DTNA: variants seen among roughly 807,000 people sequenced by gnomAD.
DTNA encodes dystrophin-related protein 3.
Under a neutral mutation model 100.7 loss-of-function variants are expected in DTNA, and 43 were observed. The observed-to-expected ratio is 0.43, with a 90% confidence interval of 0.33 to 0.55. The LOEUF is 0.55. Ranked by LOEUF, DTNA falls within the 20% of genes least tolerant of loss-of-function variation. DTNA has a pLI of 0.04. For synonymous variants in DTNA, 349 were observed against 347.9 expected (o/e 1.00, Z -0.04); for missense variants, 798 against 953.9 (o/e 0.84, Z 2.15).
At chr18:34,831,732 C>G (rs769886357) in intron 11 of DTNA, among the ~76,000 whole-genome samples, 7 of 152,150 alleles carry the variant, frequency 4.6e-5, no homozygotes, top group Non-Finnish European at 1.0e-4. Context: ...CGTGCCATTG[C>G]ACTCCAGCCG....
intron 1 of DTNA, among the ~76,000 whole-genome samples, chr18:34,722,498 A>G (rs990432990): frequency 6.6e-6 from 1 of 152,180 alleles, no homozygotes; most frequent in African/African-American, 2.4e-5. Flanking sequence ...TATAAGGATT[A>G]ATAGAAAATA....
chr18:34,526,454 A>G (rs1962503), intron 1 of DTNA, among the ~76,000 whole-genome samples: 11,913 of 152,132 alleles, frequency 0.078, 655 homozygotes, highest in Non-Finnish European at 0.12. Context: ...AGGGATAATG[A>G]TGGTACCTCT....
At chr18:34,504,943 C>T (rs1343751741) in intron 1 of DTNA, among the ~76,000 whole-genome samples, 2 of 152,092 alleles carry the variant, frequency 1.3e-5, no homozygotes, top group East Asian at 3.9e-4. Flanking sequence ...TTTTCCTTTC[C>T]TTCAGGTCTC....
intron 1 of DTNA, among the ~76,000 whole-genome samples, chr18:34,520,712 T>C (rs1355292640): frequency 3.3e-5 from 5 of 152,122 alleles, no homozygotes; most frequent in African/African-American, 9.7e-5. Flanking sequence ...CTGAAACATC[T>C]GAGAACCCTT....
At chr18:34,853,081 C>T (rs1012421422) in intron 15 of DTNA, among the ~76,000 whole-genome samples, 5 of 152,144 alleles carry the variant, frequency 3.3e-5, no homozygotes, top group African/African-American at 9.7e-5. Context: ...AGTGAGAAAA[C>T]GATGAATAGC....
At chr18:34,801,700 G>T (rs1020619939) in intron 4 of DTNA, among the ~76,000 whole-genome samples, 1 of 151,686 alleles carries the variant, frequency 6.6e-6, no homozygotes, top group Non-Finnish European at 1.5e-5. Context: ...TAGTAGAGAC[G>T]GGTTTTCACC....
intron 20 of DTNA, among the ~76,000 whole-genome samples, chr18:34,881,251 T>C (rs997897125): frequency 3.9e-5 from 6 of 152,218 alleles, no homozygotes; most frequent in Non-Finnish European, 5.9e-5. Flanking sequence ...ATTTCTATTG[T>C]CTAAACATGT....
intron 1 of DTNA, among the ~76,000 whole-genome samples, chr18:34,563,047 G>A (rs1433366653): frequency 6.6e-6 from 1 of 152,170 alleles, no homozygotes; most frequent in Non-Finnish European, 1.5e-5. Context: ...CTGAGAGCTT[G>A]TACTGGATTG....
chr18:34,585,245 G>A (rs1475958631), intron 1 of DTNA, among the ~76,000 whole-genome samples: 1 of 151,884 alleles, frequency 6.6e-6, no homozygotes, highest in Non-Finnish European at 1.5e-5. Flanking sequence ...AAAAGCATGA[G>A]GGTACTAAAA....
intron 5 of DTNA, among the ~76,000 whole-genome samples, 178 bp from the exon 6 acceptor site, chr18:34,811,781 A>T (rs184906935): frequency 2.8e-4 from 43 of 152,366 alleles, no homozygotes; most frequent in African/African-American, 1.0e-3. Flanking sequence ...ATCTACAAAA[A>T]GAAACCAGAG....
At chr18:34,763,883 T>TA (rs34263887) in intron 2 of DTNA, among the ~76,000 whole-genome samples, 1 of 151,990 alleles carries the variant, frequency 6.6e-6, no homozygotes, top group Non-Finnish European at 1.5e-5. Context: ...TCTTTTACCC[T>TA]AAAAAAAGTC....
At chr18:34,663,224 G>A (rs1011933815) in intron 1 of DTNA, among the ~76,000 whole-genome samples, 3 of 152,048 alleles carry the variant, frequency 2.0e-5, no homozygotes, top group Non-Finnish European at 2.9e-5. Flanking sequence ...CATGATCGTG[G>A]CTCACTGCAG....
At chr18:34,875,702 T>G (rs967896266) in intron 18 of DTNA, among the ~76,000 whole-genome samples, 1 of 152,246 alleles carries the variant, frequency 6.6e-6, no homozygotes, top group African/African-American at 2.4e-5. Flanking sequence ...TAATCTATTT[T>G]TTTTAATTCT....
At chr18:34,663,507 G>A (rs1474115038) in intron 1 of DTNA, among the ~76,000 whole-genome samples, 1 of 152,130 alleles carries the variant, frequency 6.6e-6, no homozygotes, top group African/African-American at 2.4e-5. Context: ...TACACATAAA[G>A]CACTTTTGAA....
chr18:34,646,433 G>T (rs961448621), intron 1 of DTNA, among the ~76,000 whole-genome samples: 1 of 152,122 alleles, frequency 6.6e-6, no homozygotes, highest in Non-Finnish European at 1.5e-5. Flanking sequence ...ATCCAGTGCT[G>T]ATTATATTTA....
intron 4 of DTNA, among the ~76,000 whole-genome samples, chr18:34,798,060 C>G (rs923244936): frequency 1.3e-5 from 2 of 152,118 alleles, no homozygotes; most frequent in African/African-American, 4.8e-5. Context: ...AGTGCAGTGG[C>G]ACAATCTTAG....
At chr18:34,687,805 A>G (rs1256939671) in intron 1 of DTNA, among the ~76,000 whole-genome samples, 7 of 152,282 alleles carry the variant, frequency 4.6e-5, no homozygotes, top group Admixed American at 3.9e-4. Flanking sequence ...AACTTTCTTT[A>G]TGAATCTGGA....
intron 1 of DTNA, among the ~76,000 whole-genome samples, chr18:34,651,384 C>G (rs2060427928): frequency 6.6e-6 from 1 of 152,112 alleles, no homozygotes; most frequent in African/African-American, 2.4e-5. Flanking sequence ...ATAGTCATTA[C>G]TATTTGATTT....
rs757450869 is a variant in DTNA, at chr18:34,864,071, TGCCAGATAAATTTTCCTGA to T, written c.1743+12_1743+30del. ...TCATGAAGCTACTAAAGGTAAGACC[TGCCAGATAAATTTTCCTGA>T]GCTTATTTTCCATGTCATCTGTGAA... On this transcript the variant is annotated intron_variant, in intron 17 of 22. Transcript: ENST00000444659. 7 of 1,601,750 alleles carry T rather than the reference TGCCAGATAAATTTTCCTGA, an allele frequency of 4.4e-6. No homozygotes were observed. The highest frequency in any genetic ancestry group is 5.1e-6 in the Non-Finnish European group (6 of 1,173,740).
Sources: gnomAD v4.1 joint callset for allele counts (sites outside exome capture counted in the v4.1 genomes callset) on GRCh38, gnomAD v4.1.1 for gene constraint, MANE v1.5 for transcripts, NCBI Gene and HGNC (gene_info 2026-07-23, HGNC 2026-07-21) for gene names.